ZFAT: variants seen among roughly 807,000 people sequenced by gnomAD.
The protein encoded by ZFAT is zinc finger protein ZFAT.
In ZFAT, 64 loss-of-function variants were observed where a neutral mutation model predicts 117.7. That is an observed-to-expected ratio of 0.54 (90% confidence interval 0.44 to 0.67). ZFAT has a LOEUF of 0.67. ZFAT is among the 30% of genes least tolerant of loss of function. ZFAT has a pLI of 0.00. For synonymous variants in ZFAT, 679 were observed against 615.0 expected (o/e 1.10, Z -1.54); for missense variants, 1,433 against 1,584.5 (o/e 0.90, Z 1.62).
At chr8:134,648,928 G>C (rs539989910) in intron 2 of ZFAT, among the ~76,000 whole-genome samples, 11 of 152,026 alleles carry the variant, frequency 7.2e-5, no homozygotes, top group African/African-American at 2.7e-4. Context: ...TATGCAACAT[G>C]ACCAAATGAG....
chr8:134,689,980 G>A (rs1329438903), intron 1 of ZFAT, among the ~76,000 whole-genome samples: 1 of 152,154 alleles, frequency 6.6e-6, no homozygotes, highest in Non-Finnish European at 1.5e-5. Flanking sequence ...CTTTAACCCA[G>A]TATATCCAAA....
chr8:134,620,655 TCCGAGATGGTAGGATACAG>T (rs1418744607), intron 3 of ZFAT, among the ~76,000 whole-genome samples: 1 of 152,188 alleles, frequency 6.6e-6, no homozygotes, highest in African/African-American at 2.4e-5. Context: ...AAGTCACTCT[TCCGAGATGGTAGGATACAG>T]CGCAGGGCCA....
Position 134,532,862 on chromosome 8 carries a change from C to G in ZFAT, c.3087G>C (p.Glu1029Asp). The G allele has an allele frequency of 6.2e-7, 1 of 1,609,774 alleles. No homozygotes were observed. The highest frequency in any genetic ancestry group is 8.5e-7 in the Non-Finnish European group (1 of 1,178,156). Residue 1029 changes from glutamate (E) to aspartate (D), a missense_variant, in exon 12 of 16, where the codon GAG (glutamate) becomes GAC (aspartate). Transcript: ENST00000377838. ...GCTGGATGAGCACCTCCGCTGCCAGCTCCCCGGTGCCCACGTTGGCATACT... is the reference window on the plus strand; with the variant it reads ...GCTGGATGAGCACCTCCGCTGCCAGGTCCCCGGTGCCCACGTTGGCATACT... ...NEEYANVGTGELAAEVLIQQG... is the reference protein window; with the variant it reads ...NEEYANVGTGDLAAEVLIQQG...
chr8:134,819,520 CA>C, the ZFAT span, among the ~76,000 whole-genome samples: 3 of 126,530 alleles, frequency 2.4e-5, no homozygotes, highest in Non-Finnish European at 4.9e-5. Context: ...CCCCCCAACA[CA>C]CCACAAAAGC....
intron 8 of ZFAT, 56 bp downstream of exon 8, chr8:134,590,212 A>T (rs1826362206): frequency 7.3e-7 from 1 of 1,369,172 alleles, no homozygotes; most frequent in Non-Finnish European, 1.0e-6. Flanking sequence ...CATTGTTTTA[A>T]AATAAACATA....
chr8:134,628,006 C>A (rs967655618), intron 3 of ZFAT, among the ~76,000 whole-genome samples: 2 of 152,036 alleles, frequency 1.3e-5, no homozygotes, highest in Non-Finnish European at 2.9e-5. Flanking sequence ...GGCACGTGCG[C>A]GGCACAATGA....
At chr8:134,563,852 G>A (rs1020857648) in intron 11 of ZFAT, among the ~76,000 whole-genome samples, 2 of 152,160 alleles carry the variant, frequency 1.3e-5, no homozygotes, top group African/African-American at 2.4e-5. Flanking sequence ...AAATCAGGGT[G>A]CCTTGACTGT....
At chr8:134,623,900 GCCCCTT>G (rs1829304441) in intron 3 of ZFAT, among the ~76,000 whole-genome samples, 1 of 151,986 alleles carries the variant, frequency 6.6e-6, no homozygotes, top group Non-Finnish European at 1.5e-5. Context: ...TGCTAGAGAA[GCCCCTT>G]CCACAAGCTC....
chr8:134,508,999 G>C (rs985405110), intron 15 of ZFAT, among the ~76,000 whole-genome samples: 1 of 152,066 alleles, frequency 6.6e-6, no homozygotes, highest in Non-Finnish European at 1.5e-5. Context: ...TAGAGACACA[G>C]GTATAAACAG....
chr8:134,486,797 T>C (rs1473122184), intron 15 of ZFAT, among the ~76,000 whole-genome samples: 1 of 151,962 alleles, frequency 6.6e-6, no homozygotes, highest in Non-Finnish European at 1.5e-5. Flanking sequence ...AGATCAGGCA[T>C]GGGAGAGGCA....
chr8:134,753,667 TATAA>T, the ZFAT span, among the ~76,000 whole-genome samples: 2 of 152,278 alleles, frequency 1.3e-5, no homozygotes, highest in South Asian at 4.2e-4. Flanking sequence ...GCTTGTTGAG[TATAA>T]AGTAAAAATG....
At chr8:134,616,360 G>A (rs564963287) in intron 3 of ZFAT, among the ~76,000 whole-genome samples, 12 of 152,124 alleles carry the variant, frequency 7.9e-5, no homozygotes, top group Admixed American at 2.0e-4. Flanking sequence ...CAAAGTCCTC[G>A]TTCCCATTTG....
rs537625090 is a variant in ZFAT at position 134,512,512 on chromosome 8, C to T, written c.3324G>A (p.Val1108=). 1.9e-6 allele frequency: 3 copies of T among 1,613,874 alleles called. No homozygotes were observed. The highest frequency in any genetic ancestry group is 2.7e-5 in the African/African-American group (2 of 74,918). Residue 1108 remains valine, a synonymous_variant, in exon 14 of 16, where the codon GTG becomes GTA. Transcript: ENST00000377838. ...EEDVQGTQAA[V]AALQDLRYTS... is the part of the protein sequence containing the mutation. The stretch of plus-strand genomic sequence containing the variant: ...TGTATCTCAGGTCCTGGAGCGCGGC[C>T]ACCGCTGCCTGTGTCCCTTGAACGT...
intron 7 of ZFAT, 121 bp from the exon 8 acceptor site, chr8:134,590,476 C>A: frequency 1.5e-6 from 1 of 681,214 alleles, no homozygotes; most frequent in Non-Finnish European, 2.6e-6. Flanking sequence ...ACGCTATCAA[C>A]AGTCATCACC....
At chr8:134,752,403 T>C in the ZFAT span, among the ~76,000 whole-genome samples, 1 of 152,184 alleles carries the variant, frequency 6.6e-6, no homozygotes, top group Admixed American at 6.5e-5. Context: ...CTTGAACAAC[T>C]TAGAGTTCTT....
the ZFAT span, among the ~76,000 whole-genome samples, chr8:134,814,510 T>TG: frequency 2.0e-5 from 3 of 152,226 alleles, no homozygotes; most frequent in South Asian, 6.2e-4. Flanking sequence ...CTAGACCTGA[T>TG]GGATCATGGC....
chr8:134,541,478 A>C (rs1397830881), intron 11 of ZFAT, among the ~76,000 whole-genome samples: 3 of 152,184 alleles, frequency 2.0e-5, no homozygotes, highest in African/African-American at 7.2e-5. Flanking sequence ...CAGCCTCCAG[A>C]ACTGTGAGAA....
chr8:134,797,089 A>G, the ZFAT span: 1 of 152,214 alleles, frequency 6.6e-6, no homozygotes, highest in African/African-American at 2.4e-5. Context: ...TTTCTCATTC[A>G]TACTTATACC....
chr8:134,657,552 C>A lies in ZFAT; in HGVS notation c.196+9G>T. 1.9e-6 allele frequency: 3 copies of A among 1,603,380 alleles called. No homozygotes were observed. Among genetic ancestry groups the A allele is most frequent in the Non-Finnish European group, 2.6e-6 (3 of 1,172,472 alleles). On this transcript the variant is annotated intron_variant, in intron 2 of 15. Transcript: ENST00000377838. ...GAAGGTATCCTGCCCCACCCCCCAG[C>A]CCCCTTACCATCTCCGGTTTTGCTT...
Sources: gnomAD v4.1 joint callset for allele counts (sites outside exome capture counted in the v4.1 genomes callset) on GRCh38, gnomAD v4.1.1 for gene constraint, MANE v1.5 for transcripts, NCBI Gene and HGNC (gene_info 2026-07-23, HGNC 2026-07-21) for gene names.